Variants in TMC2 observed in about 807,000 individuals in gnomAD.
TMC2 encodes transmembrane channel-like protein 2.
TMC2 carries 102 observed loss-of-function variants against 105.9 expected under a neutral mutation model. The ratio of observed to expected loss-of-function variants is 0.96; its 90% CI spans 0.82 to 1.14. The LOEUF is 1.14. TMC2 is among the 50% of genes most tolerant of loss of function. The pLI, the probability that TMC2 is intolerant of heterozygous loss-of-function variation, is 0.00. For synonymous variants in TMC2, 402 were observed against 422.8 expected (o/e 0.95, Z 0.60); for missense variants, 1,093 against 1,134.3 (o/e 0.96, Z 0.52).
intron 1 of TMC2, 76 bp downstream of exon 1, chr20:2,536,731 A>G (rs6036860): frequency 0.54 from 805,865 of 1,493,632 alleles, 219,113 homozygotes; most frequent in South Asian, 0.57. Flanking sequence ...GGAAGCACAT[A>G]TGGTGTTCAG....
intron 13 of TMC2, 122 bp from the exon 14 acceptor site, chr20:2,613,072 G>A: frequency 7.5e-7 from 1 of 1,326,286 alleles, no homozygotes. Flanking sequence ...AGGATCAGAG[G>A]GTCACAGAGA....
rs766359146 is a variant in TMC2 at position 2,617,023 on chromosome 20, G to A, written c.1941-49G>A. 4.9e-5 allele frequency: 79 copies of A among 1,610,616 alleles called. 1 individual carries two copies. The highest frequency in any genetic ancestry group is 4.2e-4 in the East Asian group (19 of 44,832). ...CATTTCCTTCTATCACCCTTCCCTC[G>A]CCTTCCCTGCTGTCCAGCCAACCAG... is the stretch of plus-strand genomic sequence containing the variant. On this transcript the variant is annotated intron_variant, in intron 15 of 19. Transcript: ENST00000358864.
At chr20:2,627,553 G>A (rs771802407) in intron 17 of TMC2, among the ~76,000 whole-genome samples, 6 of 152,040 alleles carry the variant, frequency 3.9e-5, no homozygotes, top group Non-Finnish European at 8.8e-5. Context: ...CTTTCTGCTT[G>A]GACTCTGCTT....
chr20:2,617,615 G>A, intron 16 of TMC2: 1 of 396,030 alleles, frequency 2.5e-6, no homozygotes. Context: ...TTAACTGATA[G>A]TTGTACATAT....
At chr20:2,583,371 C>A (rs564708580) in intron 7 of TMC2, among the ~76,000 whole-genome samples, 1 of 152,270 alleles carries the variant, frequency 6.6e-6, no homozygotes, top group South Asian at 2.1e-4. Flanking sequence ...TGGAGATGCC[C>A]ACCTGGCAAG....
chr20:2,620,451 G>A (rs769295362), intron 16 of TMC2, among the ~76,000 whole-genome samples: 2 of 152,100 alleles, frequency 1.3e-5, no homozygotes, highest in East Asian at 1.9e-4. Context: ...CTAATGCATC[G>A]CCTCAACCAT....
intron 4 of TMC2, 78 bp downstream of exon 4, chr20:2,562,088 A>C: frequency 1.3e-6 from 2 of 1,511,956 alleles, no homozygotes; most frequent in Non-Finnish European, 1.8e-6. Context: ...CTCCCTCCAC[A>C]TTTCCCCAAA....
In TMC2 at chr20:2,572,273, T is replaced by C; in HGVS notation, c.645+4T>C. 2 of 1,609,280 alleles carry C rather than the reference T, an allele frequency of 1.2e-6. No individual in the cohort carries two copies. The highest frequency in any genetic ancestry group is 4.5e-5 in the East Asian group (2 of 44,784). On this transcript the variant is annotated splice_donor_region_variant and intron_variant, in intron 5 of 19. Coordinates refer to ENST00000358864, the MANE Select transcript of TMC2 (RefSeq NM_080751.3). ...CTACAAGATGCTGATGGCCAAGGTG[T>C]GTGGGGTGGGGGCAGTGAATCTGTT... is the stretch of plus-strand genomic sequence containing the variant.
chr20:2,579,462 C>T (rs1393957797), intron 6 of TMC2, among the ~76,000 whole-genome samples: 1 of 151,210 alleles, frequency 6.6e-6, no homozygotes, highest in African/African-American at 2.4e-5. Context: ...CGCTCTGTTG[C>T]CCAGGCTGGA....
At chr20:2,609,680 C>T (rs1331425243) in intron 11 of TMC2, among the ~76,000 whole-genome samples, 1 of 152,158 alleles carries the variant, frequency 6.6e-6, no homozygotes, top group Non-Finnish European at 1.5e-5. Context: ...AGATATGGGG[C>T]AGTGATGGCT....
At chr20:2,635,821 C>A in intron 17 of TMC2, 105 bp from the exon 18 acceptor site, 1 of 895,954 alleles carries the variant, frequency 1.1e-6, no homozygotes, top group South Asian at 1.4e-5. Context: ...CCCAAAGCCT[C>A]AGTAACTATT....
chr20:2,553,127 C>T (rs948194938), intron 2 of TMC2, among the ~76,000 whole-genome samples: 1 of 152,124 alleles, frequency 6.6e-6, no homozygotes, highest in Non-Finnish European at 1.5e-5. Flanking sequence ...CTAGGACTTC[C>T]AACACAGTGC....
rs746926997 is a variant in TMC2, at chr20:2,641,187, G to A, written c.2557G>A (p.Gly853Ser). 1 of 1,613,964 alleles carries A rather than the reference G, an allele frequency of 6.2e-7. No individual in the cohort carries two copies. The highest frequency in any genetic ancestry group is 1.3e-5 in the African/African-American group (1 of 74,850). The change falls in exon 20 of 20, where the codon GGC (glycine) becomes AGC (serine). Residue 853 changes from glycine (G) to serine (S), a missense_variant. Coordinates refer to ENST00000358864, the MANE Select transcript of TMC2 (RefSeq NM_080751.3). ...QSQAMDKKAQ[G>S]PGTSNSASRT... ...CCAGGCCATGGACAAGAAGGCGCAG[G>A]GCCCTGGGACCTCCAATTCTGCCAG...
At chr20:2,565,732 G>A (rs188108573) in intron 4 of TMC2, among the ~76,000 whole-genome samples, 19 of 152,218 alleles carry the variant, frequency 1.2e-4, no homozygotes, top group Admixed American at 3.9e-4. Context: ...CATGGTTACT[G>A]TAGACTATCT....
intron 11 of TMC2, among the ~76,000 whole-genome samples, chr20:2,608,605 G>T (rs908378337): frequency 2.0e-5 from 3 of 152,086 alleles, no homozygotes; most frequent in African/African-American, 7.2e-5. Context: ...TGGGATTACA[G>T]GCATGACCCA....
chr20:2,592,720 C>T lies in TMC2; in HGVS notation c.933+312C>T, dbSNP rs1016975848. On this transcript the variant is annotated intron_variant, in intron 8 of 19. Transcript: ENST00000358864. This position sits in a 1 kb window ranked among gnomAD's most constrained non-coding sequence, Gnocchi z 4.9. ...TTTCCTCATTCCCACATTAAGACCC[C>T]AGATCTATCTCCACTCCAGGCTTCC... Among the ~76,000 whole-genome samples the T allele has an allele frequency of 2.0e-5, 3 of 152,164 alleles. No individual in the cohort carries two copies. Among genetic ancestry groups the T allele is most frequent in the Non-Finnish European group, 4.4e-5 (3 of 68,026 alleles).
chr20:2,634,893 TAC>T (rs1490894020), intron 17 of TMC2, among the ~76,000 whole-genome samples: 1 of 152,206 alleles, frequency 6.6e-6, no homozygotes, highest in Non-Finnish European at 1.5e-5. Flanking sequence ...GCCTCTGACC[TAC>T]ACTCTGCCCC....
At chr20:2,619,101 A>G (rs895003480) in intron 16 of TMC2, among the ~76,000 whole-genome samples, 1 of 152,198 alleles carries the variant, frequency 6.6e-6, no homozygotes, top group African/African-American at 2.4e-5. Context: ...AGGGTCGTAT[A>G]TGCAAAACAG....
intron 4 of TMC2, among the ~76,000 whole-genome samples, chr20:2,570,769 C>T (rs547532785): frequency 5.3e-5 from 8 of 152,220 alleles, no homozygotes; most frequent in South Asian, 2.1e-4. Context: ...GCTACAGTAA[C>T]GAAAACAGCA....
Sources: gnomAD v4.1 joint callset for allele counts (sites outside exome capture counted in the v4.1 genomes callset) on GRCh38, gnomAD v4.1.1 for gene constraint, Gnocchi (gnomAD v3.1) non-coding constraint, MANE v1.5 for transcripts, NCBI Gene and HGNC (gene_info 2026-07-23, HGNC 2026-07-21) for gene names.